Variants in OGN observed in about 807,000 individuals in gnomAD.
The protein encoded by OGN is osteoglycin.
In OGN, 19 loss-of-function variants were observed where a neutral mutation model predicts 30.8. The ratio of observed to expected loss-of-function variants is 0.62; its 90% confidence interval spans 0.43 to 0.90. OGN has a LOEUF of 0.90. Among genes scored for constraint, OGN ranks in the 40% least tolerant of loss-of-function variants. The pLI, the probability that OGN is intolerant of heterozygous loss-of-function variation, is 0.00. For synonymous variants in OGN, 126 were observed against 128.3 expected, an observed-to-expected ratio of 0.98 and a Z score of 0.12; for missense variants, 283 against 349.7, an observed-to-expected ratio of 0.81 and a Z score of 1.52.
rs774564800 is a variant in OGN, at chr9:92,390,003, C to T, written c.481G>A (p.Gly161Ser). 1.2e-6 allele frequency: 2 copies of T among 1,609,336 alleles called. No individual in the cohort carries two copies. Among genetic ancestry groups the T allele is most frequent in the East Asian group, 2.2e-5 (1 of 44,720 alleles). ...TGNLIEDIED[G>S]TFSKLSLLEE... ...AACAGAGAAAGTTTTGAAAAAGTAC[C>T]ATCTTCTATATCTTCTATCAAATTT... Residue 161 changes from glycine (G) to serine (S), a missense_variant, in exon 5 of 7, where the codon GGT becomes AGT. Physicochemically the swap from Gly to Ser is moderately conservative, Grantham distance 56 (BLOSUM62 0). Coordinates refer to ENST00000375561, the MANE Select transcript of OGN (RefSeq NM_014057.5).
At chr9:92,401,563 A>G (rs1181278281) in intron 2 of OGN, among the ~76,000 whole-genome samples, 1 of 152,134 alleles carries the variant, frequency 6.6e-6, no homozygotes, top group Non-Finnish European at 1.5e-5. Context: ...GTCTGAACTG[A>G]GTTTCTCATT....
intron 3 of OGN, among the ~76,000 whole-genome samples, chr9:92,396,769 A>C (rs189311081): frequency 6.6e-6 from 1 of 151,966 alleles, no homozygotes; most frequent in South Asian, 2.1e-4. Context: ...TGGTGTCACT[A>C]TGTTGCCCAA....
chr9:92,392,900 G>A (rs1402854464), intron 4 of OGN, among the ~76,000 whole-genome samples, 186 bp downstream of exon 4: 1 of 152,176 alleles, frequency 6.6e-6, no homozygotes, highest in African/African-American at 2.4e-5. Flanking sequence ...AAAGATCACA[G>A]GATCTGTCTA....
intron 3 of OGN, among the ~76,000 whole-genome samples, chr9:92,395,730 T>G (rs1842866163): frequency 6.6e-6 from 1 of 152,214 alleles, no homozygotes; most frequent in East Asian, 1.9e-4. Flanking sequence ...TTATAGTATC[T>G]CATTGTGTTT....
chr9:92,392,976 T>G, intron 4 of OGN, 110 bp downstream of exon 4: 1 of 797,872 alleles, frequency 1.3e-6, no homozygotes, highest in Non-Finnish European at 1.9e-6. Flanking sequence ...TTTATGTACT[T>G]CAAGTGACAA....
At chr9:92,403,562 C>T in intron 1 of OGN, 80 bp from the exon 2 acceptor site, 1 of 1,322,182 alleles carries the variant, frequency 7.6e-7, no homozygotes, top group Non-Finnish European at 9.6e-7. Flanking sequence ...CAGTAAGGGC[C>T]AGAGAACAGT....
chr9:92,392,634 GA>G (rs148375786), intron 4 of OGN, among the ~76,000 whole-genome samples: 3,045 of 143,574 alleles, frequency 0.021, 108 homozygotes, highest in African/African-American at 0.073. Context: ...GGAGGGGGGA[GA>G]AAAAAAAAAC....
Position 92,403,263 on chromosome 9 carries a change from C to T in OGN, c.145G>A (p.Asp49Asn). The change falls in exon 2 of 7, where the codon GAT becomes AAT. Residue 49 changes from aspartate to asparagine, a missense_variant. Physicochemically the swap from Asp to Asn is conservative, Grantham distance 23. Coordinates refer to ENST00000375561, the MANE Select transcript of OGN (RefSeq NM_014057.5). ...ATATTTTTTCCATCCAGGTATTTATCCTCATAATCTTGGCTAAATATGGAT... is the reference window on the plus strand; with the variant it reads ...ATATTTTTTCCATCCAGGTATTTATTCTCATAATCTTGGCTAAATATGGAT... ...EESIFSQDYEDKYLDGKNIKE... is the reference protein window; with the variant it reads ...EESIFSQDYENKYLDGKNIKE... 1.3e-6 allele frequency: 2 copies of T among 1,597,688 alleles called. No individual in the cohort carries two copies. The highest frequency in any genetic ancestry group is 1.7e-6 in the Non-Finnish European group (2 of 1,167,292).
chr9:92,397,498 T>G (rs894426455), intron 3 of OGN, among the ~76,000 whole-genome samples: 8 of 152,112 alleles, frequency 5.3e-5, no homozygotes, highest in African/African-American at 1.9e-4. Flanking sequence ...AGCTAATTTT[T>G]TTTGTATTTT....
At chr9:92,392,994 T>C (rs1341102519) in intron 4 of OGN, 92 bp downstream of exon 4, 11 of 973,726 alleles carry the variant, frequency 1.1e-5, no homozygotes, top group Non-Finnish European at 1.4e-5. Context: ...CAAACCTGAA[T>C]GTGATAGGCA....
At chr9:92,386,321 GTTA>G in intron 5 of OGN, 25 bp from the exon 6 acceptor site, 1 of 1,418,142 alleles carries the variant, frequency 7.1e-7, no homozygotes, top group Non-Finnish European at 1.0e-6. Context: ...TCATGTGAGT[GTTA>G]TTGAGGTTCT....
intron 4 of OGN, among the ~76,000 whole-genome samples, chr9:92,390,621 A>G (rs1842640028): frequency 1.3e-5 from 2 of 151,914 alleles, no homozygotes; most frequent in African/African-American, 2.4e-5. Context: ...CATCACGTAT[A>G]TCTGGGATAA....
At chr9:92,400,915 A>G (rs968795202) in intron 3 of OGN, among the ~76,000 whole-genome samples, 177 bp downstream of exon 3, 3 of 152,092 alleles carry the variant, frequency 2.0e-5, no homozygotes, top group Non-Finnish European at 4.4e-5. Context: ...CACATTTCTC[A>G]CTCATAATGT....
intron 3 of OGN, among the ~76,000 whole-genome samples, chr9:92,394,346 G>A (rs1008715072): frequency 1.7e-4 from 26 of 151,714 alleles, no homozygotes; most frequent in South Asian, 4.2e-4. Context: ...CATTTCAAGC[G>A]ATTCTTCTGC....
chr9:92,399,042 G>A (rs575141245), intron 3 of OGN, among the ~76,000 whole-genome samples: 6 of 150,338 alleles, frequency 4.0e-5, no homozygotes, highest in East Asian at 3.9e-4. Context: ...GTCTGAGAGC[G>A]AGACTCTGTC....
chr9:92,400,207 A>G (rs866494530), intron 3 of OGN, among the ~76,000 whole-genome samples: 2 of 152,108 alleles, frequency 1.3e-5, no homozygotes, highest in Non-Finnish European at 1.5e-5. Context: ...CTGGAGTACA[A>G]TGGCACGACC....
chr9:92,401,059 G>T (rs1443280634), intron 3 of OGN, 33 bp downstream of exon 3: 1 of 986,114 alleles, frequency 1.0e-6, no homozygotes, highest in South Asian at 1.4e-5. Context: ...ATTTTTAAAA[G>T]ATCCATTTGA....
At chr9:92,402,548 T>G (rs985231976) in intron 2 of OGN, among the ~76,000 whole-genome samples, 1 of 152,204 alleles carries the variant, frequency 6.6e-6, no homozygotes, top group African/African-American at 2.4e-5. Context: ...CATTTCTGTG[T>G]GCCAAGAAAA....
At chr9:92,404,142 C>T (rs925287019) in intron 1 of OGN, among the ~76,000 whole-genome samples, 52 of 152,022 alleles carry the variant, frequency 3.4e-4, no homozygotes, top group Admixed American at 2.8e-3. Context: ...AGAAAGGATT[C>T]CTTTAGGCTC....
Sources: gnomAD v4.1 joint callset for allele counts (sites outside exome capture counted in the v4.1 genomes callset) on GRCh38, gnomAD v4.1.1 for gene constraint, MANE v1.5 for transcripts, NCBI Gene and HGNC (gene_info 2026-07-23, HGNC 2026-07-21) for gene names.